Variants in FRMD4A observed in about 807,000 individuals in gnomAD.
The protein encoded by FRMD4A is FERM domain containing 4A.
FRMD4A carries 29 observed loss-of-function variants against 129.1 expected under a neutral mutation model. That is an observed-to-expected ratio of 0.22 (90% confidence interval 0.17 to 0.31). The LOEUF (loss-of-function observed/expected upper bound fraction) is 0.31, where lower values mean the gene tolerates loss of function less well. Ranked by LOEUF, FRMD4A falls within the 10% of genes least tolerant of loss-of-function variation. FRMD4A has a pLI of 1.00. For synonymous variants in FRMD4A, 634 were observed against 571.6 expected (o/e 1.11, Z -1.56); for missense variants, 1,272 against 1,375.8 (o/e 0.92, Z 1.19).
chr10:13,878,678 G>T (rs770625533), intron 2 of FRMD4A, among the ~76,000 whole-genome samples: 3 of 152,012 alleles, frequency 2.0e-5, no homozygotes, highest in African/African-American at 7.3e-5. Context: ...ACTTGAACCC[G>T]GGAGGCGGAG....
At chr10:13,879,882 G>T (rs2094528460) in intron 2 of FRMD4A, among the ~76,000 whole-genome samples, 1 of 150,642 alleles carries the variant, frequency 6.6e-6, no homozygotes, top group African/African-American at 2.4e-5. Context: ...CTGGCCTCAA[G>T]CGATTCTCCT....
intron 2 of FRMD4A, among the ~76,000 whole-genome samples, chr10:13,902,673 A>G (rs1471222120): frequency 6.6e-6 from 1 of 151,712 alleles, no homozygotes. Flanking sequence ...AATCCCATCT[A>G]TACTAAAACA....
At chr10:14,120,215 G>A (rs545677889) in intron 2 of FRMD4A, among the ~76,000 whole-genome samples, 5 of 152,040 alleles carry the variant, frequency 3.3e-5, no homozygotes, top group East Asian at 1.9e-4. Context: ...TTCCCAAGCC[G>A]AGTTCCTCCA....
chr10:14,043,719 G>T (rs1298703380), intron 2 of FRMD4A, among the ~76,000 whole-genome samples: 1 of 152,230 alleles, frequency 6.6e-6, no homozygotes, highest in Non-Finnish European at 1.5e-5. Flanking sequence ...TACAATAGAA[G>T]ACACAAAATC....
At chr10:14,045,377 T>C (rs1164648277) in intron 2 of FRMD4A, among the ~76,000 whole-genome samples, 1 of 152,166 alleles carries the variant, frequency 6.6e-6, no homozygotes, top group Non-Finnish European at 1.5e-5. Flanking sequence ...ACTGTCTTCA[T>C]GAAGCTTTCC....
At chr10:13,832,690 C>T (rs2093809232) in intron 3 of FRMD4A, among the ~76,000 whole-genome samples, 1 of 152,232 alleles carries the variant, frequency 6.6e-6, no homozygotes, top group South Asian at 2.1e-4. Flanking sequence ...TCTCCAAGCA[C>T]ACCCCTAGGG....
chr10:13,922,606 C>A (rs1219288649), intron 2 of FRMD4A, among the ~76,000 whole-genome samples: 1 of 152,216 alleles, frequency 6.6e-6, no homozygotes, highest in African/African-American at 2.4e-5. Context: ...CCTGCTCAAA[C>A]CTCTACTTGA....
At chr10:13,836,813 A>G (rs897087982) in intron 3 of FRMD4A, among the ~76,000 whole-genome samples, 2 of 137,706 alleles carry the variant, frequency 1.5e-5, no homozygotes, top group Admixed American at 8.1e-5. Flanking sequence ...GCTGGAGTGC[A>G]GTGGCACGAT....
chr10:13,658,997 A>C (rs773261696), intron 21 of FRMD4A, among the ~76,000 whole-genome samples: 13 of 152,106 alleles, frequency 8.5e-5, no homozygotes, highest in Non-Finnish European at 1.9e-4. Context: ...GTCCAGTATA[A>C]ATTTAGGCCT....
chr10:14,317,867 A>G (rs919032960), intron 2 of FRMD4A, among the ~76,000 whole-genome samples: 11 of 152,068 alleles, frequency 7.2e-5, no homozygotes, highest in African/African-American at 2.7e-4. Context: ...CAAATAACTA[A>G]CTGTCCTGTC....
chr10:14,203,891 T>G (rs1349129570), intron 2 of FRMD4A, among the ~76,000 whole-genome samples: 1 of 152,234 alleles, frequency 6.6e-6, no homozygotes, highest in African/African-American at 2.4e-5. Flanking sequence ...TCTCAGCCAA[T>G]CGTTCTTCCT....
intron 2 of FRMD4A, chr10:13,891,739 T>TAGGGGCCTACTAGGG (rs2094699509): frequency 6.1e-6 from 6 of 983,890 alleles, no homozygotes; most frequent in African/African-American, 1.8e-5. Context: ...TAGGCGGCCT[T>TAGGGGCCTACTAGGG]GGCGCCCGCA....
chr10:14,102,359 T>C (rs1238833598), intron 2 of FRMD4A, among the ~76,000 whole-genome samples: 1 of 152,180 alleles, frequency 6.6e-6, no homozygotes, highest in Non-Finnish European at 1.5e-5. Context: ...AAACCCCATC[T>C]CTACTAAAAA....
chr10:13,900,991 C>T (rs1405246657), intron 2 of FRMD4A, among the ~76,000 whole-genome samples: 1 of 152,206 alleles, frequency 6.6e-6, no homozygotes, highest in Non-Finnish European at 1.5e-5. Context: ...CGTATAATAA[C>T]TCAGTCTTCG....
intron 2 of FRMD4A, among the ~76,000 whole-genome samples, chr10:13,940,238 T>C (rs1248690255): frequency 6.6e-6 from 1 of 151,986 alleles, no homozygotes; most frequent in African/African-American, 2.4e-5. Context: ...AGGTCATGGG[T>C]TGACTTCTTC....
chr10:13,848,609 CGTGTGT>C lies in FRMD4A; in HGVS notation c.111+10232_111+10237del, dbSNP rs59271113. Among the ~76,000 whole-genome samples, 172 of 124,070 alleles carry C rather than the reference CGTGTGT, an allele frequency of 1.4e-3. 1 individual carries two copies. The highest frequency in any genetic ancestry group is 4.6e-3 in the African/African-American group (155 of 33,946). 81.4% of individuals were successfully genotyped at this position (124,070 alleles called of 152,430 possible). ...ACCTGGGTGTGAGTGTGTGTGTGTA[CGTGTGT>C]GTGTGTGTGTGTGTGTGTGTGTGTA... On this transcript the variant is annotated intron_variant, in intron 3 of 24. Transcript: ENST00000357447.
At chr10:13,657,793 T>TTG (rs2134657495) in intron 21 of FRMD4A, among the ~76,000 whole-genome samples, 1 of 151,168 alleles carries the variant, frequency 6.6e-6, no homozygotes, top group African/African-American at 2.4e-5. Context: ...TCTGGGTTTT[T>TTG]TTTTTTTTTT....
At chr10:14,012,166 G>C (rs778054711) in intron 2 of FRMD4A, among the ~76,000 whole-genome samples, 1 of 151,722 alleles carries the variant, frequency 6.6e-6, no homozygotes, top group Non-Finnish European at 1.5e-5. Flanking sequence ...GGAGTTGAGG[G>C]GGGAAAGATG....
chr10:13,765,698 C>T (rs1197160410), intron 6 of FRMD4A, among the ~76,000 whole-genome samples: 2 of 152,094 alleles, frequency 1.3e-5, no homozygotes, highest in Admixed American at 6.6e-5. Context: ...TAGAGGCTGT[C>T]GGTGCTGGGA....
Sources: allele counts gnomAD v4.1 joint callset (sites outside exome capture counted in the v4.1 genomes callset), GRCh38; gene constraint gnomAD v4.1.1; transcripts MANE v1.5; gene names NCBI Gene and HGNC (gene_info 2026-07-23, HGNC 2026-07-21).